The following MRGPRX3 variants were observed in gnomAD, a reference collection of about 807,000 sequenced individuals.
The protein encoded by MRGPRX3 is mas-related G protein-coupled receptor member X3.
A neutral mutation model predicts 16.5 loss-of-function variants in MRGPRX3; 14 were observed. That is an observed-to-expected ratio of 0.85 (90% CI 0.56 to 1.33). The LOEUF is 1.33. Ranked by LOEUF, MRGPRX3 falls within the 40% of genes most tolerant of loss-of-function variation. The probability of loss-of-function intolerance (pLI) is 0.00; values close to 1 mark genes in which losing one functional copy is unlikely to be tolerated. For missense variants in MRGPRX3, 449 were observed against 413.0 expected (o/e 1.09, Z -0.76); for synonymous variants, 199 against 180.1 (o/e 1.10, Z -0.84).
chr11:18,133,549 G>T (rs778634201), intron 1 of MRGPRX3, among the ~76,000 whole-genome samples: 8 of 152,158 alleles, frequency 5.3e-5, no homozygotes, highest in Non-Finnish European at 1.2e-4. Context: ...ATACTGACGA[G>T]TTCTCATGAA....
intron 1 of MRGPRX3, among the ~76,000 whole-genome samples, chr11:18,124,723 C>T (rs1308672719): frequency 6.6e-6 from 1 of 152,054 alleles, no homozygotes; most frequent in African/African-American, 2.4e-5. Context: ...AGGGAGGATT[C>T]CCTCTTTTTC....
upstream of MRGPRX3, among the ~76,000 whole-genome samples, chr11:18,129,414 C>T (rs1448958129): frequency 6.6e-6 from 1 of 152,154 alleles, no homozygotes; most frequent in African/African-American, 2.4e-5. Context: ...ATCACCTTTA[C>T]ATGCACAAAC....
chr11:18,123,315 T>C (rs1423617815), intron 1 of MRGPRX3, among the ~76,000 whole-genome samples: 1 of 152,134 alleles, frequency 6.6e-6, no homozygotes, highest in Admixed American at 6.5e-5. Flanking sequence ...GTTTTTATGG[T>C]TTCAGGTCTA....
chr11:18,136,459 A>G (rs928524363), intron 1 of MRGPRX3, among the ~76,000 whole-genome samples: 1 of 152,256 alleles, frequency 6.6e-6, no homozygotes, highest in African/African-American at 2.4e-5. Flanking sequence ...GTCCACAAAT[A>G]GAATTCTGAT....
chr11:18,136,752 A>G (rs570871383), intron 1 of MRGPRX3, among the ~76,000 whole-genome samples: 1 of 152,242 alleles, frequency 6.6e-6, no homozygotes, highest in African/African-American at 2.4e-5. Flanking sequence ...CGAAGATCCC[A>G]TTTTCCTCTG....
chr11:18,135,078 C>A (rs1848996271), intron 1 of MRGPRX3, among the ~76,000 whole-genome samples: 2 of 152,126 alleles, frequency 1.3e-5, no homozygotes, highest in Admixed American at 1.3e-4. Context: ...GTGCAGGACT[C>A]CAGGGACCAG....
chr11:18,136,721 C>A (rs931079123), intron 1 of MRGPRX3, among the ~76,000 whole-genome samples: 2 of 152,206 alleles, frequency 1.3e-5, no homozygotes, highest in East Asian at 1.9e-4. Context: ...CACCAGGTCC[C>A]GCCATTTTCA....
chr11:18,122,186 T>C (rs1848847213), intron 1 of MRGPRX3, among the ~76,000 whole-genome samples: 1 of 152,170 alleles, frequency 6.6e-6, no homozygotes, highest in Admixed American at 6.5e-5. Flanking sequence ...ATAACATTCC[T>C]TCAAACCTTG....
chr11:18,123,856 T>A (rs532561663), intron 1 of MRGPRX3, among the ~76,000 whole-genome samples: 11 of 152,342 alleles, frequency 7.2e-5, no homozygotes, highest in African/African-American at 1.4e-4. Flanking sequence ...TATCCTCTTT[T>A]ATTTCATTGA....
intron 1 of MRGPRX3, among the ~76,000 whole-genome samples, chr11:18,126,790 C>T (rs1848901676): frequency 1.3e-5 from 2 of 152,256 alleles, no homozygotes; most frequent in East Asian, 3.9e-4. Context: ...TGGTTTCCAG[C>T]TTCATCCATG....
intron 1 of MRGPRX3, among the ~76,000 whole-genome samples, chr11:18,121,666 T>A (rs1159978327): frequency 3.9e-5 from 6 of 152,244 alleles, no homozygotes. Context: ...GAAAGATTCT[T>A]CTGCCTTGGG....
upstream of MRGPRX3, among the ~76,000 whole-genome samples, chr11:18,129,532 G>A (rs1167701574): frequency 6.6e-6 from 1 of 152,116 alleles, no homozygotes; most frequent in Non-Finnish European, 1.5e-5. Flanking sequence ...GAATGAGATT[G>A]AAATAAAATT....
intron 1 of MRGPRX3, among the ~76,000 whole-genome samples, chr11:18,126,318 A>C (rs1467057176): frequency 6.6e-6 from 1 of 152,072 alleles, no homozygotes. Flanking sequence ...ATGTTTTTGC[A>C]GTGGCTGGTA....
At chr11:18,121,341 C>T (rs1194565770) in intron 1 of MRGPRX3, among the ~76,000 whole-genome samples, 4 of 151,560 alleles carry the variant, frequency 2.6e-5, no homozygotes, top group Non-Finnish European at 5.9e-5. Context: ...GGTCAGCCCC[C>T]CGCCTGGCCA....
Position 18,137,368 on chromosome 11 carries a change from A to T in MRGPRX3, c.166A>T (p.Met56Leu), listed in dbSNP as rs1358684659. ...TGTGCTCTGGCTCCTGGGCTGCCGC[A>T]TGCGCAGGAACGCTGTCTCCATCTA... ...AVVLWLLGCR[M>L]RRNAVSIYIL... The change falls in exon 2 of 2, where the codon ATG becomes TTG. Residue 56 changes from methionine to leucine, a missense_variant. Coordinates refer to ENST00000621697, the MANE Select transcript of MRGPRX3 (RefSeq NM_001370464.1). 1 of 1,614,038 alleles carries T rather than the reference A, an allele frequency of 6.2e-7. No individual in the cohort carries two copies. The highest frequency in any genetic ancestry group is 8.5e-7 in the Non-Finnish European group (1 of 1,180,032).
intron 1 of MRGPRX3, among the ~76,000 whole-genome samples, chr11:18,124,068 T>C (rs1206530595): frequency 6.6e-6 from 1 of 152,234 alleles, no homozygotes; most frequent in Admixed American, 6.5e-5. Context: ...AATTTGCTTA[T>C]CAGCTTAAGG....
In MRGPRX3 at chr11:18,137,594, A is replaced by G. The variant is rs547488854; in HGVS notation, c.392A>G (p.His131Arg). 3.1e-5 allele frequency: 50 copies of G among 1,613,994 alleles called. No homozygotes were observed. Among genetic ancestry groups the G allele is most frequent in the East Asian group, 1.1e-4 (5 of 44,872 alleles). ...TCCATCCTGTGGCCCATCTGGTACC[A>G]CTGCCGCCGCCCCAGATACCTGTCA... The part of the protein sequence containing the change: ...CLSILWPIWY[H>R]CRRPRYLSSV... The change falls in exon 2 of 2, where the codon CAC becomes CGC. Residue 131 changes from histidine to arginine, a missense_variant. Physicochemically the swap from His to Arg is conservative, Grantham distance 29 (BLOSUM62 0). Coordinates refer to ENST00000621697, the MANE Select transcript of MRGPRX3 (RefSeq NM_001370464.1).
intron 1 of MRGPRX3, among the ~76,000 whole-genome samples, chr11:18,125,591 G>A (rs985022056): frequency 6.6e-6 from 1 of 152,050 alleles, no homozygotes; most frequent in African/African-American, 2.4e-5. Context: ...TTTTGCTGAG[G>A]AGTGTTTTAC....
chr11:18,124,526 C>G (rs2134079287), intron 1 of MRGPRX3, among the ~76,000 whole-genome samples: 1 of 152,312 alleles, frequency 6.6e-6, no homozygotes, highest in South Asian at 2.1e-4. Context: ...CCTTGCATCC[C>G]AGGGATGAAG....
Sources: allele counts gnomAD v4.1 joint callset (sites outside exome capture counted in the v4.1 genomes callset), GRCh38; gene constraint gnomAD v4.1.1; transcripts MANE v1.5; gene names NCBI Gene and HGNC (gene_info 2026-07-23, HGNC 2026-07-21).